NTRK3: variants seen among roughly 807,000 people sequenced by gnomAD.
NTRK3 encodes neurotrophic receptor tyrosine kinase 3.
In NTRK3, 24 loss-of-function variants were observed where a neutral mutation model predicts 91.7. The observed-to-expected ratio is 0.26, with a 90% confidence interval of 0.19 to 0.37. The LOEUF is 0.37. Ranked by LOEUF, NTRK3 falls within the 10% of genes least tolerant of loss-of-function variation. The pLI is 1.00. For synonymous variants in NTRK3, 483 were observed against 404.0 expected, an observed-to-expected ratio of 1.20 and a Z score of -2.34; for missense variants, 880 against 1,068.9, an observed-to-expected ratio of 0.82 and a Z score of 2.46.
chr15:88,184,215 G>T lies in NTRK3; in HGVS notation c.323+10C>A, dbSNP rs202090345. On this transcript the variant is annotated intron_variant, in intron 4 of 18. Coordinates refer to ENST00000394480, the Ensembl canonical transcript of NTRK3. Reference sequence around the variant, plus strand: ...CAGGGAAAGGCCTCTCTGTGGCCGGGTGTACTCACAGCTTTTGAAGTCCGG... The same window carrying T: ...CAGGGAAAGGCCTCTCTGTGGCCGGTTGTACTCACAGCTTTTGAAGTCCGG... 2.5e-6 allele frequency: 4 copies of T among 1,613,912 alleles called. No individual in the cohort carries two copies. The South Asian group carries it at 4.4e-5, about 18-fold the overall frequency.
intron 5 of NTRK3, among the ~76,000 whole-genome samples, chr15:88,174,539 G>T (rs2045819743): frequency 6.6e-6 from 1 of 152,048 alleles, no homozygotes; most frequent in Non-Finnish European, 1.5e-5. Flanking sequence ...TGGACAAATG[G>T]CTCCATTTCC....
chr15:87,958,151 G>A (rs2071871406), intron 14 of NTRK3, among the ~76,000 whole-genome samples: 1 of 152,106 alleles, frequency 6.6e-6, no homozygotes, highest in Admixed American at 6.5e-5. Flanking sequence ...TGATTTCAGG[G>A]GCATAAAATA....
intron 17 of NTRK3, among the ~76,000 whole-genome samples, chr15:87,911,969 T>C (rs962648073): frequency 2.0e-5 from 3 of 152,168 alleles, no homozygotes; most frequent in Non-Finnish European, 4.4e-5. Flanking sequence ...ATTAAAACAA[T>C]TACTTCTTGC....
In NTRK3 at chr15:88,159,943, TACACACACACACACAC is replaced by T. The variant is rs59254719; in HGVS notation, c.396-12556_396-12541del. ...TGCCTCCCCACCCCACCCAGCCTCC[TACACACACACACACAC>T]ACACACACACACACACACACACACA... is the stretch of plus-strand genomic sequence containing the variant. On this transcript the variant is annotated intron_variant, in intron 5 of 18. Coordinates refer to ENST00000394480, the Ensembl canonical transcript of NTRK3. 9.2e-3 allele frequency among the ~76,000 whole-genome samples: 1,034 copies of T among 112,044 alleles called. 19 individuals are homozygous for T. Among genetic ancestry groups the T allele is most frequent in the African/African-American group, 0.033 (975 of 29,748 alleles). The allele number at this position is 112,044 out of a possible 152,430, so 73.5% of individuals were successfully genotyped here. A position where few individuals can be genotyped will look rare whatever the true frequency, so the allele number is the denominator to read the frequency against.
intron 13 of NTRK3, among the ~76,000 whole-genome samples, chr15:88,095,991 C>G (rs1000823151): frequency 3.9e-5 from 6 of 152,182 alleles, no homozygotes; most frequent in Non-Finnish European, 7.3e-5. Context: ...CATTCCCTAA[C>G]AGCGATTTGA....
intron 13 of NTRK3, among the ~76,000 whole-genome samples, chr15:88,081,422 C>A (rs2048030628): frequency 6.6e-6 from 1 of 152,216 alleles, no homozygotes; most frequent in Non-Finnish European, 1.5e-5. Context: ...ATTCCTCAAT[C>A]CCACTGACCG....
intron 14 of NTRK3, among the ~76,000 whole-genome samples, chr15:87,964,230 G>A (rs1006288657): frequency 2.0e-5 from 3 of 152,022 alleles, no homozygotes; most frequent in African/African-American, 4.8e-5. Context: ...TAATGGTAGC[G>A]GTGCTAGGAA....
At chr15:88,044,941 C>T (rs911040396) in intron 13 of NTRK3, among the ~76,000 whole-genome samples, 11 of 152,190 alleles carry the variant, frequency 7.2e-5, no homozygotes, top group Non-Finnish European at 1.0e-4. Flanking sequence ...GCATGCCCTG[C>T]GGGACCACAG....
chr15:88,101,932 G>A (rs895456051), intron 13 of NTRK3, among the ~76,000 whole-genome samples: 4 of 151,920 alleles, frequency 2.6e-5, no homozygotes, highest in Non-Finnish European at 5.9e-5. Context: ...CGAGTTAATG[G>A]GTGCAGCACA....
In NTRK3 at chr15:88,132,847, C is replaced by T. The variant is rs190435751; in HGVS notation, c.1204+2254G>A. On this transcript the variant is annotated intron_variant, in intron 10 of 18. Transcript: ENST00000394480. Reference sequence around the variant, plus strand: ...TAGACTCACAAAACAAGCAAATCTTCCCACAGGGTGACCCTAGCAGGATGG... The same window carrying T: ...TAGACTCACAAAACAAGCAAATCTTTCCACAGGGTGACCCTAGCAGGATGG... 1.1e-4 allele frequency among the ~76,000 whole-genome samples: 16 copies of T among 152,316 alleles called. No individual in the cohort carries two copies. In the East Asian group the frequency reaches 3.1e-3, roughly 29 times the overall value.
intron 3 of NTRK3, among the ~76,000 whole-genome samples, chr15:88,200,865 T>C (rs1207015764): frequency 6.6e-6 from 1 of 152,194 alleles, no homozygotes; most frequent in East Asian, 1.9e-4. Context: ...AGGCTCTGAT[T>C]GCCACTTCAA....
intron 14 of NTRK3, among the ~76,000 whole-genome samples, chr15:87,943,487 A>G (rs929980574): frequency 5.9e-5 from 9 of 152,076 alleles, no homozygotes; most frequent in African/African-American, 2.2e-4. Flanking sequence ...ACATCTCTAC[A>G]AAAGGCAAAA....
chr15:88,178,278 T>C (rs764292114), intron 5 of NTRK3, among the ~76,000 whole-genome samples: 2 of 152,234 alleles, frequency 1.3e-5, no homozygotes, highest in East Asian at 1.9e-4. Flanking sequence ...AGAAAGAACA[T>C]TGAGTAATTT....
intron 13 of NTRK3, among the ~76,000 whole-genome samples, chr15:88,039,504 G>A (rs1037170169): frequency 6.6e-6 from 1 of 152,124 alleles, no homozygotes; most frequent in Non-Finnish European, 1.5e-5. Context: ...CCCACAGAAT[G>A]GTCCATATTC....
intron 13 of NTRK3, among the ~76,000 whole-genome samples, chr15:88,043,827 T>C (rs897036835): frequency 1.3e-5 from 2 of 152,184 alleles, no homozygotes; most frequent in African/African-American, 4.8e-5. Flanking sequence ...CTGGAGGAAC[T>C]TGGGGTCTTA....
intron 14 of NTRK3, among the ~76,000 whole-genome samples, chr15:87,952,892 C>A (rs534622859): frequency 6.6e-6 from 1 of 152,176 alleles, no homozygotes; most frequent in Admixed American, 6.5e-5. Context: ...CTGGCCCTCA[C>A]CCTGTATCTG....
At position 88,136,191 on chromosome 15, in the gene NTRK3, C is replaced by T. The variant is rs140764649; in HGVS notation, c.766-151G>A. The T allele has an allele frequency of 3.2e-5, 34 of 1,053,216 alleles. 1 individual carries two copies. The East Asian group carries it at 8.0e-4, about 25-fold the overall frequency. The allele number at this position is 1,053,216 out of a possible 1,614,324, so 65.2% of individuals were successfully genotyped here. ...GAAAGCACACTGGCCAAATGCCAGG[C>T]TCCTCATAGGCAATAGTTCAGGCCA... is the stretch of plus-strand genomic sequence containing the variant. On this transcript the variant is annotated intron_variant, in intron 8 of 18. Transcript: ENST00000394480.
rs118007406 is a variant in NTRK3, at chr15:88,176,430, C to T, written c.395+6988G>A. On this transcript the variant is annotated intron_variant, in intron 5 of 18. Coordinates refer to ENST00000394480, the Ensembl canonical transcript of NTRK3. ...AAGTATAGGCGTGAGCCACTGTGCC[C>T]GGCCCATATGTCCCTTCTTTTAAAC... Among the ~76,000 whole-genome samples, 439 of 152,250 alleles carry T rather than the reference C, an allele frequency of 2.9e-3. 1 individual carries two copies. The highest frequency in any genetic ancestry group is 3.7e-3 in the Non-Finnish European group (255 of 68,026).
chr15:88,061,700 C>T (rs1319571647), intron 13 of NTRK3, among the ~76,000 whole-genome samples: 3 of 152,242 alleles, frequency 2.0e-5, no homozygotes, highest in African/African-American at 4.8e-5. Flanking sequence ...CCAGAGCAGA[C>T]GTCAGAGAGG....
Sources: allele counts gnomAD v4.1 joint callset (sites outside exome capture counted in the v4.1 genomes callset), GRCh38; gene constraint gnomAD v4.1.1; transcripts MANE v1.5; gene names NCBI Gene and HGNC (gene_info 2026-07-23, HGNC 2026-07-21).